CSMD1: variants seen among roughly 807,000 people sequenced by gnomAD.
CSMD1 encodes the protein CUB and sushi domain-containing protein 1.
In CSMD1, 213 loss-of-function variants were observed where a neutral mutation model predicts 417.5. The ratio of observed to expected loss-of-function variants is 0.51; its 90% CI spans 0.46 to 0.57. The LOEUF is 0.57. CSMD1 is among the 20% of genes least tolerant of loss of function. The pLI is 0.00. For missense variants in CSMD1, 6,923 were observed against 4,529.7 expected (o/e 1.53, Z -15.17); for synonymous variants, 2,862 against 1,736.8 (o/e 1.65, Z -16.11).
chr8:3,929,812 C>T (rs1186775772), intron 5 of CSMD1, among the ~76,000 whole-genome samples: 1 of 149,430 alleles, frequency 6.7e-6, no homozygotes, highest in Admixed American at 6.7e-5. Flanking sequence ...CAGGCACATG[C>T]CACCATGCCT....
At chr8:3,863,393 C>T (rs1804857391) in intron 5 of CSMD1, among the ~76,000 whole-genome samples, 2 of 118,434 alleles carry the variant, frequency 1.7e-5, no homozygotes, top group African/African-American at 3.9e-5. Context: ...TGATACTCTG[C>T]TCAAAAAAAA....
intron 3 of CSMD1, among the ~76,000 whole-genome samples, chr8:4,132,806 A>T (rs1482434499): frequency 6.6e-6 from 1 of 152,244 alleles, no homozygotes; most frequent in East Asian, 1.9e-4. Flanking sequence ...AATGTAAAGA[A>T]GAATTGATAT....
At chr8:4,788,412 C>G (rs1430517361) in intron 1 of CSMD1, 1 of 1,335,658 alleles carries the variant, frequency 7.5e-7, no homozygotes, top group Non-Finnish European at 1.1e-6. Context: ...TTCTCTTTGA[C>G]TACCCAGGGT....
intron 2 of CSMD1, among the ~76,000 whole-genome samples, chr8:4,445,349 G>C (rs565483819): frequency 1.3e-5 from 2 of 152,142 alleles, no homozygotes; most frequent in African/African-American, 4.8e-5. Flanking sequence ...AGTGTATGAA[G>C]TCTTTTCCTT....
chr8:4,002,819 T>C lies in CSMD1; in HGVS notation c.611-4709A>G, dbSNP rs1815795454. On this transcript the variant is annotated intron_variant, in intron 4 of 69. Coordinates refer to ENST00000635120, the MANE Select transcript of CSMD1 (RefSeq NM_033225.6). ...TTAAAATATCAACTTAAAAATTCCC[T>C]CATACAAAATACCTGTTACACAAAT... Among the ~76,000 whole-genome samples, 3 of 152,298 alleles carry C rather than the reference T, an allele frequency of 2.0e-5. No individual in the cohort carries two copies. The South Asian group carries it at 6.2e-4, about 32-fold the overall frequency.
At chr8:4,287,685 A>ATTATTATT (rs1797138535) in intron 3 of CSMD1, among the ~76,000 whole-genome samples, 1 of 147,670 alleles carries the variant, frequency 6.8e-6, no homozygotes, top group Non-Finnish European at 1.5e-5. Flanking sequence ...TATTATTATT[A>ATTATTATT]CTACTACTTT....
intron 25 of CSMD1, among the ~76,000 whole-genome samples, chr8:3,303,036 A>G (rs1054202951): frequency 3.3e-5 from 5 of 152,310 alleles, no homozygotes; most frequent in South Asian, 2.1e-4. Context: ...GTAGACTTCT[A>G]TAACTCTTTT....
Position 3,531,210 on chromosome 8 carries a change from A to G in CSMD1, c.1345-37484T>C, listed in dbSNP as rs568034368. The stretch of plus-strand genomic sequence containing the variant: ...TAATTTCTGGAGATTCACCTAATTT[A>G]AAACAACCTAAAATAACTTTTCAGG... On this transcript the variant is annotated intron_variant, in intron 10 of 69. Transcript: ENST00000635120. Among the ~76,000 whole-genome samples, 3 of 152,248 alleles carry G rather than the reference A, an allele frequency of 2.0e-5. No individual in the cohort carries two copies. The East Asian group carries it at 5.8e-4, about 29-fold the overall frequency.
intron 11 of CSMD1, among the ~76,000 whole-genome samples, chr8:3,489,547 A>C (rs1818251384): frequency 6.6e-6 from 1 of 152,224 alleles, no homozygotes; most frequent in Admixed American, 6.5e-5. Flanking sequence ...ACTTGGAAAG[A>C]ACTCAACAGA....
intron 12 of CSMD1, among the ~76,000 whole-genome samples, chr8:3,441,638 T>C (rs1814991392): frequency 6.6e-6 from 1 of 152,082 alleles, no homozygotes; most frequent in South Asian, 2.1e-4. Context: ...ATAGTAGCCA[T>C]TGATCATAGC....
intron 5 of CSMD1, among the ~76,000 whole-genome samples, chr8:3,812,620 A>T (rs1205893749): frequency 1.3e-5 from 2 of 152,298 alleles, no homozygotes; most frequent in East Asian, 3.9e-4. Context: ...TGGAAAATAC[A>T]TTGACTGACA....
intron 3 of CSMD1, among the ~76,000 whole-genome samples, chr8:4,161,802 T>C (rs1472390046): frequency 2.0e-5 from 3 of 152,198 alleles, no homozygotes; most frequent in East Asian, 1.9e-4. Flanking sequence ...ACAAAATTTG[T>C]TCATTTTTTC....
intron 26 of CSMD1, among the ~76,000 whole-genome samples, chr8:3,251,520 T>G (rs1478665492): frequency 6.6e-6 from 1 of 152,186 alleles, no homozygotes; most frequent in Non-Finnish European, 1.5e-5. Flanking sequence ...TTTGTTCTCT[T>G]GGCTTAGGAT....
intron 3 of CSMD1, among the ~76,000 whole-genome samples, chr8:4,219,599 G>C (rs4460397): frequency 2.6e-5 from 4 of 152,078 alleles, no homozygotes. Context: ...TCTACGGTTG[G>C]CTCCAACCCA....
At chr8:4,416,705 T>C (rs1228864644) in intron 3 of CSMD1, among the ~76,000 whole-genome samples, 3 of 152,102 alleles carry the variant, frequency 2.0e-5, no homozygotes, top group African/African-American at 7.2e-5. Context: ...ACCCAGTCCG[T>C]ATATTTTCTT....
At chr8:3,788,585 C>T (rs567619596) in intron 5 of CSMD1, among the ~76,000 whole-genome samples, 1 of 152,124 alleles carries the variant, frequency 6.6e-6, no homozygotes. Context: ...TTAAATCTTA[C>T]CAAAGGTGTT....
At chr8:3,489,016 T>C (rs1818218147) in intron 11 of CSMD1, among the ~76,000 whole-genome samples, 1 of 152,198 alleles carries the variant, frequency 6.6e-6, no homozygotes, top group Non-Finnish European at 1.5e-5. Context: ...ACTACATGTT[T>C]AGTGATTAAC....
At chr8:4,095,082 T>C (rs1585302658) in intron 3 of CSMD1, among the ~76,000 whole-genome samples, 1 of 152,150 alleles carries the variant, frequency 6.6e-6, no homozygotes, top group African/African-American at 2.4e-5. Context: ...CTTGGATTAA[T>C]GTAACTGCAG....
At chr8:3,901,613 C>A (rs891750052) in intron 5 of CSMD1, among the ~76,000 whole-genome samples, 3 of 152,194 alleles carry the variant, frequency 2.0e-5, no homozygotes, top group Non-Finnish European at 4.4e-5. Flanking sequence ...GATAGTTTCT[C>A]TGAAAACCAC....
Sources: allele counts gnomAD v4.1 joint callset (sites outside exome capture counted in the v4.1 genomes callset), GRCh38; gene constraint gnomAD v4.1.1; transcripts MANE v1.5; gene names NCBI Gene and HGNC (gene_info 2026-07-23, HGNC 2026-07-21).